Variants in EYS observed in about 807,000 individuals in gnomAD.
The protein encoded by EYS is EGF-like photoreceptor maintenance factor, also known as protein eyes shut homolog.
Under a neutral mutation model 282.1 loss-of-function variants are expected in EYS, and 250 were observed. The ratio of observed to expected loss-of-function variants is 0.89; its 90% confidence interval spans 0.80 to 0.98. EYS has a LOEUF of 0.98. Among genes scored for constraint, EYS ranks in the 50% least tolerant of loss-of-function variants. EYS has a pLI of 0.00. For missense variants in EYS, 4,016 were observed against 3,709.0 expected (o/e 1.08, Z -2.15); for synonymous variants, 1,355 against 1,282.9 (o/e 1.06, Z -1.20).
chr6:64,303,624 C>T (rs1479563624), intron 30 of EYS, among the ~76,000 whole-genome samples: 1 of 151,770 alleles, frequency 6.6e-6, no homozygotes, highest in Non-Finnish European at 1.5e-5. Flanking sequence ...GGGCGGATCA[C>T]GAGGTCAGGA....
chr6:65,179,260 A>T (rs1765309525), intron 12 of EYS, among the ~76,000 whole-genome samples: 1 of 152,102 alleles, frequency 6.6e-6, no homozygotes, highest in Non-Finnish European at 1.5e-5. Flanking sequence ...CCTTAAAAAA[A>T]TCAATGAATC....
chr6:65,477,551 T>C (rs1161303648), intron 5 of EYS, among the ~76,000 whole-genome samples: 2 of 152,148 alleles, frequency 1.3e-5, no homozygotes, highest in African/African-American at 4.8e-5. Context: ...CTGCGATGTA[T>C]AGAACATCTG....
At chr6:64,284,089 G>C (rs577855846) in intron 30 of EYS, among the ~76,000 whole-genome samples, 1 of 152,088 alleles carries the variant, frequency 6.6e-6, no homozygotes. Flanking sequence ...GTCCCCCAAA[G>C]TGTTAACTCA....
intron 26 of EYS, among the ~76,000 whole-genome samples, chr6:64,528,681 C>T (rs955553758): frequency 2.6e-5 from 4 of 151,958 alleles, no homozygotes; most frequent in African/African-American, 9.7e-5. Flanking sequence ...CCACCAATCT[C>T]AGCCACCTTA....
At chr6:65,031,693 G>T (rs1412011949) in intron 13 of EYS, among the ~76,000 whole-genome samples, 1 of 151,962 alleles carries the variant, frequency 6.6e-6, no homozygotes, top group Non-Finnish European at 1.5e-5. Context: ...TGAAAACAAA[G>T]ATATAATTTA....
At chr6:64,305,527 T>A (rs1769407475) in intron 30 of EYS, among the ~76,000 whole-genome samples, 1 of 152,196 alleles carries the variant, frequency 6.6e-6, no homozygotes, top group Non-Finnish European at 1.5e-5. Context: ...TGTATTGGCA[T>A]AAAGACCAAC....
chr6:64,062,708 A>AAAG (rs1277725232), intron 33 of EYS, among the ~76,000 whole-genome samples: 5 of 151,682 alleles, frequency 3.3e-5, no homozygotes, highest in Non-Finnish European at 5.9e-5. Context: ...AAAAAAAAAA[A>AAAG]AAGAAGAAGA....
At chr6:65,322,037 T>C (rs1324745809) in intron 11 of EYS, among the ~76,000 whole-genome samples, 2 of 152,182 alleles carry the variant, frequency 1.3e-5, no homozygotes, top group African/African-American at 4.8e-5. Context: ...CTGAATGAGA[T>C]ATTTGGCAAG....
At chr6:64,332,247 A>G (rs944731926) in intron 29 of EYS, among the ~76,000 whole-genome samples, 1 of 152,218 alleles carries the variant, frequency 6.6e-6, no homozygotes, top group Admixed American at 6.5e-5. Flanking sequence ...CCTGTGAGAT[A>G]GTGTTCGGCT....
intron 21 of EYS, among the ~76,000 whole-genome samples, chr6:64,816,410 A>G (rs937641668): frequency 6.6e-6 from 1 of 152,142 alleles, no homozygotes; most frequent in Non-Finnish European, 1.5e-5. Flanking sequence ...CGGAATCTGT[A>G]GCATTGTAAG....
intron 13 of EYS, among the ~76,000 whole-genome samples, chr6:65,056,442 A>T (rs1013819464): frequency 1.3e-5 from 2 of 152,012 alleles, no homozygotes; most frequent in Non-Finnish European, 2.9e-5. Context: ...AAATACAAAA[A>T]CTACCCTGAT....
chr6:65,227,331 T>C (rs1315313798), intron 12 of EYS, among the ~76,000 whole-genome samples: 1 of 152,096 alleles, frequency 6.6e-6, no homozygotes, highest in East Asian at 1.9e-4. Context: ...TAACAGTTAA[T>C]TGGGTATGAG....
At chr6:63,843,890 T>A (rs959339650) in intron 36 of EYS, among the ~76,000 whole-genome samples, 14 of 152,178 alleles carry the variant, frequency 9.2e-5, no homozygotes, top group South Asian at 2.1e-4. Flanking sequence ...ATGTGCAGGG[T>A]GTGCAGGTTT....
chr6:64,240,465 T>C (rs1421341142), intron 30 of EYS, among the ~76,000 whole-genome samples: 1 of 152,214 alleles, frequency 6.6e-6, no homozygotes, highest in Admixed American at 6.5e-5. Flanking sequence ...AAGAGGTCCT[T>C]CACATCCCTT....
At chr6:64,511,926 T>C (rs972442835) in intron 26 of EYS, among the ~76,000 whole-genome samples, 5 of 151,936 alleles carry the variant, frequency 3.3e-5, no homozygotes, top group African/African-American at 1.2e-4. Flanking sequence ...AATTAAGAAA[T>C]ATTTGGAAGA....
chr6:64,890,055 C>G (rs77912540), intron 18 of EYS, among the ~76,000 whole-genome samples: 51 of 149,918 alleles, frequency 3.4e-4, no homozygotes, highest in Admixed American at 6.0e-4. Flanking sequence ...GCCCCCCCCC[C>G]CCAAGGTGTG....
chr6:65,057,555 C>T (rs1773452509), intron 13 of EYS, 59 bp downstream of exon 13: 1 of 1,010,040 alleles, frequency 9.9e-7, no homozygotes, highest in Non-Finnish European at 1.5e-6. Flanking sequence ...AGACAAGAGA[C>T]AGAAGTGCTT....
chr6:63,983,180 T>C (rs779654135), intron 35 of EYS, among the ~76,000 whole-genome samples: 3 of 151,808 alleles, frequency 2.0e-5, no homozygotes, highest in Admixed American at 2.0e-4. Flanking sequence ...ATTGTACTTA[T>C]GTTGAATAGG....
At chr6:64,520,241 G>A (rs1027457586) in intron 26 of EYS, among the ~76,000 whole-genome samples, 2 of 151,600 alleles carry the variant, frequency 1.3e-5, no homozygotes, top group African/African-American at 4.8e-5. Flanking sequence ...AATGGAGGAG[G>A]GAATGTTCCT....
Sources: allele counts gnomAD v4.1 joint callset (sites outside exome capture counted in the v4.1 genomes callset), GRCh38; gene constraint gnomAD v4.1.1; transcripts MANE v1.5; gene names NCBI Gene and HGNC (gene_info 2026-07-23, HGNC 2026-07-21).